NPAS2: variants seen among roughly 807,000 people sequenced by gnomAD.
NPAS2 encodes neuronal PAS domain protein 2, also known as neuronal PAS domain-containing protein 2.
A neutral mutation model predicts 107.5 loss-of-function variants in NPAS2; 23 were observed. That is an observed-to-expected ratio of 0.21 (90% confidence interval 0.15 to 0.30). The LOEUF is 0.30. Among genes scored for constraint, NPAS2 ranks in the 10% least tolerant of loss-of-function variants. The pLI is 1.00. For missense variants in NPAS2, 756 were observed against 1,043.3 expected (o/e 0.72, Z 3.79); for synonymous variants, 403 against 417.5 (o/e 0.97, Z 0.42).
intron 19 of NPAS2, among the ~76,000 whole-genome samples, chr2:100,992,815 TTC>T (rs1678210959): frequency 6.6e-6 from 1 of 152,226 alleles, no homozygotes. Flanking sequence ...TCTTTATATA[TTC>T]TGTTATCGGT....
chr2:100,988,053 C>T, intron 16 of NPAS2, 26 bp from the exon 17 acceptor site: 1 of 1,609,174 alleles, frequency 6.2e-7, no homozygotes, highest in Non-Finnish European at 8.5e-7. Context: ...ACCCCAACTT[C>T]ACAGGCATTT....
rs372267333 is a variant in NPAS2, at chr2:100,836,465, T to C, written c.-23+16051T>C. ...TTCTAGGAAACAACACTGAAACTGA[T>C]TTAAGAAGGCTTTTCAGCTGGAAGA... On this transcript the variant is annotated intron_variant, in intron 1 of 20. Transcript: ENST00000335681. Among the ~76,000 whole-genome samples the C allele has an allele frequency of 5.3e-5, 8 of 152,160 alleles. No homozygotes were observed. In the East Asian group the frequency reaches 1.2e-3, roughly 22 times the overall value.
intron 1 of NPAS2, among the ~76,000 whole-genome samples, chr2:100,821,606 G>GACATC (rs1454489051): frequency 6.6e-6 from 1 of 152,170 alleles, no homozygotes. Context: ...TAGTTCTAAA[G>GACATC]TAGTTCCCAG....
intron 1 of NPAS2, among the ~76,000 whole-genome samples, chr2:100,847,811 C>T (rs1037149036): frequency 1.3e-5 from 2 of 152,180 alleles, no homozygotes; most frequent in Admixed American, 6.5e-5. Flanking sequence ...AGAACGCCTT[C>T]GCCATATATG....
chr2:100,824,587 C>T (rs761412981), intron 1 of NPAS2, among the ~76,000 whole-genome samples: 26 of 152,062 alleles, frequency 1.7e-4, no homozygotes, highest in Non-Finnish European at 3.4e-4. Context: ...TAGTGCCGAG[C>T]GTGTTGGAAT....
chr2:100,950,265 T>A (rs893994683), intron 7 of NPAS2, among the ~76,000 whole-genome samples: 2 of 151,978 alleles, frequency 1.3e-5, no homozygotes, highest in Admixed American at 6.6e-5. Flanking sequence ...CAGCTAACAT[T>A]TCATAAAGCA....
At chr2:100,865,964 C>T (rs1051803972) in intron 1 of NPAS2, among the ~76,000 whole-genome samples, 17 of 152,282 alleles carry the variant, frequency 1.1e-4, no homozygotes, top group Admixed American at 1.3e-4. Context: ...CTGATTTTGA[C>T]GCCAGCCTGG....
intron 5 of NPAS2, among the ~76,000 whole-genome samples, chr2:100,940,601 C>T (rs948433304): frequency 5.9e-5 from 9 of 152,266 alleles, no homozygotes; most frequent in African/African-American, 1.2e-4. Flanking sequence ...TGGCCCAGAG[C>T]GAGGCTGTTT....
At chr2:100,946,164 A>G (rs1184682912) in intron 5 of NPAS2, among the ~76,000 whole-genome samples, 3 of 152,210 alleles carry the variant, frequency 2.0e-5, no homozygotes, top group African/African-American at 7.2e-5. Flanking sequence ...GTGCTGTTTT[A>G]TCAGCAGTGG....
At chr2:100,881,802 T>A (rs1680363115) in intron 1 of NPAS2, among the ~76,000 whole-genome samples, 1 of 152,154 alleles carries the variant, frequency 6.6e-6, no homozygotes, top group Non-Finnish European at 1.5e-5. Flanking sequence ...GGGGAGGAAG[T>A]CCAGGCGCAG....
At chr2:100,962,398 G>A (rs879300136) in intron 7 of NPAS2, among the ~76,000 whole-genome samples, 2 of 152,122 alleles carry the variant, frequency 1.3e-5, no homozygotes, top group Non-Finnish European at 2.9e-5. Context: ...TCTGATGCTC[G>A]ATATGTTCCT....
intron 1 of NPAS2, among the ~76,000 whole-genome samples, chr2:100,838,535 C>T (rs1391191836): frequency 2.0e-5 from 3 of 152,168 alleles, no homozygotes; most frequent in Non-Finnish European, 4.4e-5. Context: ...GCCTCGGCCT[C>T]CCAAAGTACT....
chr2:100,821,111 A>G, intron 1 of NPAS2: 6 of 1,304,690 alleles, frequency 4.6e-6, no homozygotes, highest in Non-Finnish European at 6.1e-6. Context: ...AGAGCTGGGC[A>G]GGTCGGTAAC....
chr2:100,887,852 G>A (rs900936681), intron 1 of NPAS2, among the ~76,000 whole-genome samples: 11 of 152,134 alleles, frequency 7.2e-5, no homozygotes, highest in East Asian at 5.8e-4. Context: ...CCCTGCATTC[G>A]CATCATTAGT....
chr2:100,879,338 T>G (rs987744935), intron 1 of NPAS2, among the ~76,000 whole-genome samples: 1 of 152,174 alleles, frequency 6.6e-6, no homozygotes, highest in Non-Finnish European at 1.5e-5. Context: ...ACAGTTACTT[T>G]TTTGTGTGAC....
intron 17 of NPAS2, chr2:100,989,958 T>G: frequency 5.5e-6 from 2 of 365,474 alleles, no homozygotes. Context: ...GCCTGGTGAG[T>G]TGGAGAAACA....
chr2:100,824,373 T>C (rs1165333544), intron 1 of NPAS2, among the ~76,000 whole-genome samples: 1 of 152,218 alleles, frequency 6.6e-6, no homozygotes, highest in African/African-American at 2.4e-5. Flanking sequence ...CCTAGGATAT[T>C]TTCATCTGAA....
rs776272802 is a variant in NPAS2, at chr2:100,982,260, C to A, written c.1512C>A (p.Thr504=). The change falls in exon 16 of 21, where the codon ACC becomes ACA. Residue 504 remains threonine (T), a synonymous_variant. Coordinates refer to ENST00000335681, the MANE Select transcript of NPAS2 (RefSeq NM_002518.4). Reference sequence around the variant, plus strand: ...CGGCACAGTTCAGCATGTTCCAGACCATCAAAGACCAGCTAGAGCAGCGGA... The same window carrying A: ...CGGCACAGTTCAGCATGTTCCAGACAATCAAAGACCAGCTAGAGCAGCGGA... ...QFSAQFSMFQ[T]IKDQLEQRTR... The A allele has an allele frequency of 6.2e-7, 1 of 1,614,220 alleles. No homozygotes were observed. Among genetic ancestry groups the A allele is most frequent in the East Asian group, 2.2e-5 (1 of 44,882 alleles).
intron 1 of NPAS2, among the ~76,000 whole-genome samples, chr2:100,852,332 G>A (rs2104480963): frequency 6.6e-6 from 1 of 152,286 alleles, no homozygotes; most frequent in Non-Finnish European, 1.5e-5. Context: ...GGGAGGCAGA[G>A]CTTGCAGTGA....
Sources: allele counts gnomAD v4.1 joint callset (sites outside exome capture counted in the v4.1 genomes callset), GRCh38; gene constraint gnomAD v4.1.1; transcripts MANE v1.5; gene names NCBI Gene and HGNC (gene_info 2026-07-23, HGNC 2026-07-21).